The following CHD7 variants were observed in gnomAD, a reference collection of about 807,000 sequenced individuals.
CHD7 encodes the protein chromodomain helicase DNA binding protein 7, also known as ATP-dependent chromatin remodeler CHD7.
A neutral mutation model predicts 307.3 loss-of-function variants in CHD7; 24 were observed. The ratio of observed to expected loss-of-function variants is 0.08; its 90% CI spans 0.06 to 0.11. The LOEUF is 0.11. Ranked by LOEUF, CHD7 falls within the 10% of genes least tolerant of loss-of-function variation. The pLI is 1.00. For synonymous variants in CHD7, 1,363 were observed against 1,349.9 expected (o/e 1.01, Z -0.21); for missense variants, 3,106 against 3,727.1 (o/e 0.83, Z 4.34).
At chr8:60,765,179 C>T (rs922221311) in intron 2 of CHD7, among the ~76,000 whole-genome samples, 1 of 149,798 alleles carries the variant, frequency 6.7e-6, no homozygotes, top group Admixed American at 6.7e-5. Flanking sequence ...GTGTCAGTCC[C>T]TGCATTAGAT....
At position 60,800,495 on chromosome 8, in the gene CHD7, C is replaced by G. The variant is rs1812251521; in HGVS notation, c.2346C>G (p.Ser782=). Residue 782 remains serine (S), a synonymous_variant, in exon 5 of 38, where the codon TCC becomes TCG. Coordinates refer to ENST00000423902, the MANE Select transcript of CHD7 (RefSeq NM_017780.4). ...ADDADAAGRD[S]PSNTSQSEQQ... ...ATGCAGATGCTGCTGGGAGGGATTC[C>G]CCCTCCAACACCTCCCAGTCAGAAC... The G allele has an allele frequency of 6.2e-7, 1 of 1,613,560 alleles. No homozygotes were observed. Among genetic ancestry groups the G allele is most frequent in the African/African-American group, 1.3e-5 (1 of 74,984 alleles).
intron 1 of CHD7, among the ~76,000 whole-genome samples, chr8:60,691,806 G>A (rs1341499131): frequency 6.6e-6 from 1 of 152,194 alleles, no homozygotes; most frequent in African/African-American, 2.4e-5. Flanking sequence ...CTCGTAAAGT[G>A]TGTTTGTTTT....
chr8:60,733,842 C>T (rs1808577462), intron 1 of CHD7, among the ~76,000 whole-genome samples: 1 of 151,928 alleles, frequency 6.6e-6, no homozygotes, highest in Non-Finnish European at 1.5e-5. Context: ...GTAGAAATAA[C>T]TGAAAGATTT....
At position 60,785,731 on chromosome 8, in the gene CHD7, T is replaced by C. The variant is rs75857904; in HGVS notation, c.2096+4301T>C. Among the ~76,000 whole-genome samples, 593 of 152,354 alleles carry C rather than the reference T, an allele frequency of 3.9e-3. 5 individuals carry two copies. Among genetic ancestry groups the C allele is most frequent in the African/African-American group, 0.013 (556 of 41,586 alleles). ...ACAAAAGTAACCCATTATGCTAGTTTTGGTAGTAAGTACAAAAACCTAAAT... is the reference window on the plus strand; with the variant it reads ...ACAAAAGTAACCCATTATGCTAGTTCTGGTAGTAAGTACAAAAACCTAAAT... On this transcript the variant is annotated intron_variant, in intron 3 of 37. Coordinates refer to ENST00000423902, the MANE Select transcript of CHD7 (RefSeq NM_017780.4).
At chr8:60,713,148 TG>T (rs1049183794) in intron 1 of CHD7, among the ~76,000 whole-genome samples, 66 of 151,958 alleles carry the variant, frequency 4.3e-4, no homozygotes, top group African/African-American at 1.4e-3. Context: ...AGTCTCACTC[TG>T]TCGCCCAGGC....
At chr8:60,692,991 T>C (rs1806278145) in intron 1 of CHD7, among the ~76,000 whole-genome samples, 1 of 152,204 alleles carries the variant, frequency 6.6e-6, no homozygotes, top group Admixed American at 6.5e-5. Context: ...AACAACTCCT[T>C]CTTCCTGCAA....
intron 1 of CHD7, among the ~76,000 whole-genome samples, chr8:60,705,257 T>A (rs1806966676): frequency 6.6e-6 from 1 of 152,178 alleles, no homozygotes; most frequent in Non-Finnish European, 1.5e-5. Context: ...TTAGTGAACT[T>A]GCGCGTTTGG....
At position 60,822,152 on chromosome 8, in the gene CHD7, A is replaced by G. The variant is rs757710489; in HGVS notation, c.2957+7A>G. 1.2e-6 allele frequency: 2 copies of G among 1,600,430 alleles called. No homozygotes were observed. The highest frequency in any genetic ancestry group is 3.5e-5 in the Admixed American group (2 of 57,734). On this transcript the variant is annotated splice_region_variant and intron_variant, in intron 11 of 37. Transcript: ENST00000423902. Reference sequence around the variant, plus strand: ...TTTTCAATTGGTACAACATGTATGTAAAACAAGTTTTTCTTCACTTTTAAA... The same window carrying G: ...TTTTCAATTGGTACAACATGTATGTGAAACAAGTTTTTCTTCACTTTTAAA...
At chr8:60,756,686 C>T (rs934196960) in intron 2 of CHD7, among the ~76,000 whole-genome samples, 1 of 152,104 alleles carries the variant, frequency 6.6e-6, no homozygotes, top group African/African-American at 2.4e-5. Context: ...GTGAGACTGT[C>T]TCTTTTAAAT....
At chr8:60,709,470 TA>T (rs1807177186) in intron 1 of CHD7, among the ~76,000 whole-genome samples, 2 of 152,204 alleles carry the variant, frequency 1.3e-5, no homozygotes, top group African/African-American at 4.8e-5. Flanking sequence ...AACTCTTAGG[TA>T]AAAGTTACTT....
At position 60,756,173 on chromosome 8, in the gene CHD7, C is replaced by T. The variant is rs972616929; in HGVS notation, c.1665+13076C>T. On this transcript the variant is annotated intron_variant, in intron 2 of 37. Coordinates refer to ENST00000423902, the MANE Select transcript of CHD7 (RefSeq NM_017780.4). ...AAGTATCAGAAAATAAGATGTAGAGCACAATTAAAAATAGAAAGGAGAGTT... is the reference window on the plus strand; with the variant it reads ...AAGTATCAGAAAATAAGATGTAGAGTACAATTAAAAATAGAAAGGAGAGTT... Among the ~76,000 whole-genome samples, 18 of 152,152 alleles carry T rather than the reference C, an allele frequency of 1.2e-4. 1 individual carries two copies. Among genetic ancestry groups the T allele is most frequent in the Admixed American group, 1.2e-3 (18 of 15,280 alleles).
At chr8:60,754,237 A>G (rs973447315) in intron 2 of CHD7, among the ~76,000 whole-genome samples, 16 of 152,206 alleles carry the variant, frequency 1.1e-4, no homozygotes, top group African/African-American at 3.9e-4. Flanking sequence ...TGAGAACTCC[A>G]TTTAAATGTG....
At chr8:60,782,153 C>G (rs1187935589) in intron 3 of CHD7, among the ~76,000 whole-genome samples, 1 of 152,184 alleles carries the variant, frequency 6.6e-6, no homozygotes. Context: ...GAACCAGTTC[C>G]AGACATCTGA....
intron 1 of CHD7, among the ~76,000 whole-genome samples, chr8:60,726,657 G>A (rs946621659): frequency 1.3e-5 from 2 of 152,186 alleles, no homozygotes; most frequent in African/African-American, 4.8e-5. Flanking sequence ...AATGAGAAAA[G>A]AAATTTCTTT....
intron 3 of CHD7, among the ~76,000 whole-genome samples, chr8:60,785,678 A>G (rs908226694): frequency 1.1e-4 from 16 of 152,226 alleles, no homozygotes; most frequent in Non-Finnish European, 2.2e-4. Context: ...ACTCTTGTAT[A>G]TGTAAAATTT....
intron 6 of CHD7, among the ~76,000 whole-genome samples, chr8:60,805,492 C>G (rs1458188279): frequency 6.6e-6 from 1 of 152,158 alleles, no homozygotes; most frequent in Non-Finnish European, 1.5e-5. Context: ...CTAGGCAGCC[C>G]TAGACTCTCT....
In CHD7 at chr8:60,860,979, C is replaced by G. The variant is rs1563669203; in HGVS notation, c.7684C>G (p.Gln2562Glu). The change falls in exon 35 of 38, where the codon CAG (glutamine) becomes GAG (glutamate). Residue 2562 changes from glutamine to glutamate, a missense_variant. Physicochemically the swap from Gln to Glu is conservative, Grantham distance 29. Around this residue, in one of 10 missense-constraint regions of CHD7, gnomAD observed 1,030 missense variants for 1,165.4 expected, o/e 0.88. Transcript: ENST00000423902. Reference protein sequence around the residue: ...PPTRNIPSPGQLDPDTRIPVI... With the variant: ...PPTRNIPSPGELDPDTRIPVI... The stretch of plus-strand genomic sequence containing the variant: ...AACAAGAAACATTCCTTCTCCCGGA[C>G]AGCTGGACCCAGACACACGGATCCC... The G allele has an allele frequency of 1.2e-6, 2 of 1,614,006 alleles. No individual in the cohort carries two copies. The highest frequency in any genetic ancestry group is 1.7e-6 in the Non-Finnish European group (2 of 1,179,890).
Position 60,694,888 on chromosome 8 carries a change from C to T in CHD7, c.-175+15806C>T, listed in dbSNP as rs892082795. Reference sequence around the variant, plus strand: ...CTGAGTGAGATTCTGACTTATATTACGTGATGGAAATGGAGTTGAAAGGTT... The same window carrying T: ...CTGAGTGAGATTCTGACTTATATTATGTGATGGAAATGGAGTTGAAAGGTT... On this transcript the variant is annotated intron_variant, in intron 1 of 37. Coordinates refer to ENST00000423902, the MANE Select transcript of CHD7 (RefSeq NM_017780.4). Among the ~76,000 whole-genome samples, 11 of 152,248 alleles carry T rather than the reference C, an allele frequency of 7.2e-5. No individual in the cohort carries two copies. The East Asian group carries it at 1.5e-3, about 21-fold the overall frequency.
At chr8:60,705,587 G>T (rs1280780252) in intron 1 of CHD7, among the ~76,000 whole-genome samples, 2 of 152,106 alleles carry the variant, frequency 1.3e-5, no homozygotes, top group Non-Finnish European at 2.9e-5. Context: ...TTAAATTATT[G>T]CTAACTACTT....
Sources: allele counts gnomAD v4.1 joint callset (sites outside exome capture counted in the v4.1 genomes callset), GRCh38; gene constraint gnomAD v4.1.1; regional missense constraint gnomAD v4.1.1; transcripts MANE v1.5; gene names NCBI Gene and HGNC (gene_info 2026-07-23, HGNC 2026-07-21).